Variants in ABCB7 observed in about 807,000 individuals in gnomAD.
ABCB7 encodes the protein iron-sulfur clusters transporter ABCB7, mitochondrial.
A neutral mutation model predicts 54.4 loss-of-function variants in ABCB7; 7 were observed. The ratio of observed to expected loss-of-function variants is 0.13; its 90% CI spans 0.07 to 0.24. The LOEUF (loss-of-function observed/expected upper bound fraction) is 0.24. ABCB7 is among the 10% of genes least tolerant of loss of function. The pLI, the probability that ABCB7 is intolerant of heterozygous loss-of-function variation, is 1.00. For missense variants in ABCB7, 356 were observed against 570.4 expected, an observed-to-expected ratio of 0.62 and a Z score of 3.83; for synonymous variants, 218 against 207.1, an observed-to-expected ratio of 1.05 and a Z score of -0.45.
intron 9 of ABCB7, among the ~76,000 whole-genome samples, chrX:75,071,046 G>A (rs1223368299): frequency 9.1e-6 from 1 of 109,909 alleles, no homozygotes; most frequent in Non-Finnish European, 1.9e-5. Flanking sequence ...TACTAACTGA[G>A]TGGGGGTGGG....
chrX:75,053,687 A>C (rs1274884793), intron 15 of ABCB7, 102 bp from the exon 16 acceptor site: 1 of 1,095,409 alleles, frequency 9.1e-7, no homozygotes, highest in Non-Finnish European at 1.2e-6. Context: ...AAGGATTTGC[A>C]TTCATTAAAA....
At chrX:75,099,195 G>T in intron 3 of ABCB7, 134 bp from the exon 4 acceptor site, 1 of 709,801 alleles carries the variant, frequency 1.4e-6, no homozygotes. Flanking sequence ...TGAATCTAAG[G>T]CTAATATCTT....
At chrX:75,153,758 G>GTATATATATATATATA (rs1331840413) in intron 1 of ABCB7, among the ~76,000 whole-genome samples, 2 of 93,630 alleles carry the variant, frequency 2.1e-5, no homozygotes, top group Non-Finnish European at 2.1e-5. Flanking sequence ...GTGTGTGTGT[G>GTATATATATATATATA]TGTATATATA....
intron 12 of ABCB7, among the ~76,000 whole-genome samples, chrX:75,067,874 A>G (rs146632250): frequency 3.5e-4 from 39 of 111,457 alleles, no homozygotes; most frequent in East Asian, 1.1e-3. Flanking sequence ...TTCTGGGCCC[A>G]CATAGTCCTC....
intron 13 of ABCB7, among the ~76,000 whole-genome samples, chrX:75,063,962 C>G (rs184410751): frequency 9.0e-6 from 1 of 111,091 alleles, no homozygotes; most frequent in African/African-American, 3.3e-5. Context: ...GTTCATATTA[C>G]GTGATAAATT....
chrX:75,096,273 A>T (rs1471239892), intron 4 of ABCB7, among the ~76,000 whole-genome samples: 2 of 112,331 alleles, frequency 1.8e-5, no homozygotes, highest in Non-Finnish European at 3.8e-5. Context: ...CAAATGTAAC[A>T]AAAAATGCTT....
At chrX:75,099,233 T>A (rs1373728073) in intron 3 of ABCB7, among the ~76,000 whole-genome samples, 172 bp from the exon 4 acceptor site, 1 of 111,799 alleles carries the variant, frequency 8.9e-6, no homozygotes, top group Non-Finnish European at 1.9e-5. Context: ...TAGAGAAAAA[T>A]TATTTCAATT....
rs1017740829 is a variant in ABCB7 at position 75,068,881 on chromosome X, A to T, written c.1659+126T>A. ...AAATCCCTTTTGATACCAGAATTTC[A>T]CTGGTAGGGTCTAATACTGACTACT... On this transcript the variant is annotated intron_variant, in intron 12 of 15. Coordinates refer to ENST00000373394, the MANE Select transcript of ABCB7 (RefSeq NM_001271696.3). 5 of 805,899 alleles carry T rather than the reference A, an allele frequency of 6.2e-6. No homozygotes were observed. In the Admixed American group the frequency reaches 1.4e-4, roughly 23 times the overall value. 66.4% of individuals were successfully genotyped at this position (805,899 alleles called of 1,213,427 possible).
At position 75,123,349 on chromosome X, in the gene ABCB7, G is replaced by C. The variant is rs181673419; in HGVS notation, c.169-8518C>G. On this transcript the variant is annotated intron_variant, in intron 1 of 15. Coordinates refer to ENST00000373394, the MANE Select transcript of ABCB7 (RefSeq NM_001271696.3). ...AAGTTTAGTTGAATGTATATGGATG[G>C]GTTTATTTCTGGGCTCTATATTCTG... Among the ~76,000 whole-genome samples, 66 of 111,589 alleles carry C rather than the reference G, an allele frequency of 5.9e-4. No homozygotes were observed. In the Admixed American group the frequency reaches 6.0e-3, roughly 10 times the overall value.
At chrX:75,063,580 T>C (rs1206560343) in intron 13 of ABCB7, among the ~76,000 whole-genome samples, 3 of 110,933 alleles carry the variant, frequency 2.7e-5, no homozygotes, top group Non-Finnish European at 5.7e-5. Flanking sequence ...GTACCATAAG[T>C]ACTATCTTCC....
At chrX:75,099,494 A>T (rs1415446283) in intron 3 of ABCB7, among the ~76,000 whole-genome samples, 2 of 111,612 alleles carry the variant, frequency 1.8e-5, no homozygotes, top group Non-Finnish European at 3.8e-5. Context: ...GTCTAAACTC[A>T]TGGTAGAGCT....
chrX:75,075,484 G>C lies in ABCB7; in HGVS notation c.733C>G (p.Gln245Glu). Reference protein sequence around the residue: ...NLDLGFHLSRQTGALSKAIDR... With the variant: ...NLDLGFHLSRETGALSKAIDR... The stretch of plus-strand genomic sequence containing the variant: ...ATAGCCTTAGATAAAGCTCCCGTCT[G>C]TCTGCTCAGGTGAAAACCCAGATCC... The change falls in exon 6 of 16, where the codon CAG becomes GAG. Residue 245 changes from glutamine (Q) to glutamate (E), a missense_variant. Gln to Glu is a conservative substitution (Grantham distance 29). This residue lies in a region of ABCB7 where 241 missense variants were observed against 470.9 expected (regional missense o/e 0.51). Coordinates refer to ENST00000373394, the MANE Select transcript of ABCB7 (RefSeq NM_001271696.3). 8.3e-7 allele frequency: 1 copy of C among 1,211,432 alleles called. No individual in the cohort carries two copies. Among genetic ancestry groups the C allele is most frequent in the Admixed American group, 2.2e-5 (1 of 45,978 alleles).
chrX:75,118,643 A>G (rs1411592934), intron 1 of ABCB7, among the ~76,000 whole-genome samples: 2 of 111,474 alleles, frequency 1.8e-5, no homozygotes, highest in Non-Finnish European at 3.8e-5. Flanking sequence ...TGGGGGGGTG[A>G]CAGAAATTAA....
chrX:75,153,018 A>C lies in ABCB7; in HGVS notation c.168+3087T>G, dbSNP rs138861445. Among the ~76,000 whole-genome samples the C allele has an allele frequency of 9.9e-3, 1,104 of 111,192 alleles. 14 individuals carry two copies. The highest frequency in any genetic ancestry group is 0.033 in the African/African-American group (1,022 of 30,555). On this transcript the variant is annotated intron_variant, in intron 1 of 15. Coordinates refer to ENST00000373394, the MANE Select transcript of ABCB7 (RefSeq NM_001271696.3). ...CTCACCCTTTTCAGTTCCATGATCT[A>C]TAATCCACTTAAAGACACCCTTATT...
At position 75,113,057 on chromosome X, in the gene ABCB7, T is replaced by G. The variant is rs1298311098; in HGVS notation, c.247-85A>C. ...ATTTGGCTTGAACAGTCTAATCTAA[T>G]GAACGTTTCCAAAACAAATTCACAG... On this transcript the variant is annotated intron_variant, in intron 2 of 15. Coordinates refer to ENST00000373394, the MANE Select transcript of ABCB7 (RefSeq NM_001271696.3). The G allele has an allele frequency of 1.5e-5, 12 of 814,678 alleles. No homozygotes were observed. In the East Asian group the frequency reaches 3.8e-4, roughly 26 times the overall value. The allele number at this position is 814,678 out of a possible 1,213,427, so 67.1% of individuals were successfully genotyped here. A position where few individuals can be genotyped will look rare whatever the true frequency, so the allele number is the denominator to read the frequency against.
rs141119655 is a variant in ABCB7, at chrX:75,065,099, T to C, written c.1802A>G (p.Gln601Arg). The change falls in exon 13 of 16, where the codon CAA (glutamine) becomes CGA (arginine). Residue 601 changes from glutamine to arginine, a missense_variant. Gln to Arg is a conservative substitution (Grantham distance 43). Around this residue, in one of 2 missense-constraint regions of ABCB7, gnomAD observed 241 missense variants for 470.9 expected, o/e 0.51. Coordinates refer to ENST00000373394, the MANE Select transcript of ABCB7 (RefSeq NM_001271696.3). ...AAGCTTGAGTCCTCGTTCCCCTACT[T>C]GGGTGTCATATCCATGTGGCATTCG... Reference protein sequence around the residue: ...ILRMPHGYDTQVGERGLKLSG... With the variant: ...ILRMPHGYDTRVGERGLKLSG... The C allele has an allele frequency of 2.5e-5, 30 of 1,208,899 alleles. No homozygotes were observed. Among genetic ancestry groups the C allele is most frequent in the Non-Finnish European group, 5.6e-6 (5 of 894,905 alleles).
At position 75,073,983 on chromosome X, in the gene ABCB7, C is replaced by G. The variant is rs774953976; in HGVS notation, c.856-27G>C. 5 of 1,105,290 alleles carry G rather than the reference C, an allele frequency of 4.5e-6. No individual in the cohort carries two copies. The South Asian group carries it at 9.2e-5, about 20-fold the overall frequency. The allele number at this position is 1,105,290 out of a possible 1,213,427, so 91.1% of individuals were successfully genotyped here. A position where few individuals can be genotyped will look rare whatever the true frequency, so the allele number is the denominator to read the frequency against. On this transcript the variant is annotated intron_variant, in intron 6 of 15. Transcript: ENST00000373394. ...TAGAAAAGGAAGTCCAAAGAAGAAA[C>G]GTGAAACAGTTATTGTTCTTCCCAA...
chrX:75,105,943 A>G (rs1348014766), intron 3 of ABCB7, among the ~76,000 whole-genome samples: 1 of 111,852 alleles, frequency 8.9e-6, no homozygotes, highest in Non-Finnish European at 1.9e-5. Context: ...CACATACAGA[A>G]TAATGACACT....
In ABCB7 at chrX:75,069,097, C is replaced by A. The variant is rs1291617120; in HGVS notation, c.1569G>T (p.Glu523Asp). The change falls in exon 12 of 16, where the codon GAG becomes GAT. Residue 523 changes from glutamate (E) to aspartate (D), a missense_variant. By Grantham distance (45) the Glu-to-Asp change is conservative. This residue lies in a region of ABCB7 where 241 missense variants were observed against 470.9 expected (regional missense o/e 0.51). Transcript: ENST00000373394. ...CAAGATAAATGCTACCCTTTTGAGG[C>A]TCATAGAAGCGAAATAATAGCCTCA... is the stretch of plus-strand genomic sequence containing the variant. The part of the protein sequence containing the change: ...TIVRLLFRFY[E>D]PQKGSIYLAG... 1.7e-6 allele frequency: 2 copies of A among 1,209,441 alleles called. No homozygotes were observed. The highest frequency in any genetic ancestry group is 3.5e-5 in the South Asian group (2 of 56,958).
Sources: allele counts gnomAD v4.1 joint callset (sites outside exome capture counted in the v4.1 genomes callset), GRCh38; gene constraint gnomAD v4.1.1; regional missense constraint gnomAD v4.1.1; transcripts MANE v1.5; gene names NCBI Gene and HGNC (gene_info 2026-07-23, HGNC 2026-07-21).